The following RBM27 variants were observed in gnomAD, a reference collection of about 807,000 sequenced individuals.
The protein encoded by RBM27 is RNA-binding protein 27.
RBM27 carries 22 observed loss-of-function variants against 135.3 expected under a neutral mutation model. The observed-to-expected ratio is 0.16, with a 90% CI of 0.12 to 0.23. The LOEUF (loss-of-function observed/expected upper bound fraction) is 0.23. Ranked by LOEUF, RBM27 falls within the 10% of genes least tolerant of loss-of-function variation. The pLI, the probability that RBM27 is intolerant of heterozygous loss-of-function variation, is 1.00. For synonymous variants in RBM27, 481 were observed against 442.4 expected (o/e 1.09, Z -1.10); for missense variants, 1,009 against 1,281.0 (o/e 0.79, Z 3.24).
At position 146,237,156 on chromosome 5, in the gene RBM27, C is replaced by T. The variant is rs1581175960; in HGVS notation, c.1145-142C>T. 6.9e-6 allele frequency: 6 copies of T among 870,728 alleles called. No individual in the cohort carries two copies. In the East Asian group the frequency reaches 1.6e-4, roughly 23 times the overall value. The allele number at this position is 870,728 out of a possible 1,614,324, so 53.9% of individuals were successfully genotyped here. A position where few individuals can be genotyped will look rare whatever the true frequency, so the allele number is the denominator to read the frequency against. On this transcript the variant is annotated intron_variant, in intron 7 of 20. Coordinates refer to ENST00000265271, the MANE Select transcript of RBM27 (RefSeq NM_018989.2). ...GTTTCTCCATGTTGGTCAGGCTGGT[C>T]TCGAACTCCTGACCTCAGGTGATCC...
intron 19 of RBM27, among the ~76,000 whole-genome samples, chr5:146,283,035 T>A (rs768593306): frequency 1.3e-5 from 2 of 152,188 alleles, no homozygotes; most frequent in Non-Finnish European, 2.9e-5. Flanking sequence ...AGACCTCTTA[T>A]CCTCTTTGGA....
chr5:146,209,466 G>A (rs1755846803), intron 1 of RBM27, among the ~76,000 whole-genome samples: 1 of 152,116 alleles, frequency 6.6e-6, no homozygotes, highest in Admixed American at 6.5e-5. Flanking sequence ...GATAGAAAAG[G>A]CAGCAATAAG....
Position 146,271,617 on chromosome 5 carries a change from A to G in RBM27, c.2931A>G (p.Ala977=), listed in dbSNP as rs1232926231. The G allele has an allele frequency of 6.2e-7, 1 of 1,614,090 alleles. No individual in the cohort carries two copies. The highest frequency in any genetic ancestry group is 2.2e-5 in the East Asian group (1 of 44,880). The stretch of plus-strand genomic sequence containing the variant: ...TGGTGGTGGACCATCGTCCCAAAGC[A>G]CTAACAGTTGGAGGATTCATTGAGG... ...NHMVVDHRPK[A]LTVGGFIEEE... is the part of the protein sequence containing the mutation. The change falls in exon 19 of 21, where the codon GCA becomes GCG. Residue 977 remains alanine (A), a synonymous_variant. Coordinates refer to ENST00000265271, the MANE Select transcript of RBM27 (RefSeq NM_018989.2).
In RBM27 at chr5:146,230,658, G is replaced by A; in HGVS notation, c.591G>A (p.Glu197=). 1.2e-6 allele frequency: 2 copies of A among 1,613,832 alleles called. No individual in the cohort carries two copies. The highest frequency in any genetic ancestry group is 1.7e-6 in the Non-Finnish European group (2 of 1,179,782). Residue 197 remains glutamate, a splice_region_variant and synonymous_variant, in exon 6 of 21, where the codon GAG becomes GAA. Coordinates refer to ENST00000265271, the MANE Select transcript of RBM27 (RefSeq NM_018989.2). ...SKDRDPNRNV[E]HRERSKFKSE... Reference sequence around the variant, plus strand: ...GTTTTTAATTTTGTCTCCAAGTAGAGCACAGGGAAAGATCGAAGTTTAAGA... The same window carrying A: ...GTTTTTAATTTTGTCTCCAAGTAGAACACAGGGAAAGATCGAAGTTTAAGA...
chr5:146,203,655 C>A lies in RBM27; in HGVS notation c.-111C>A. 1.0e-6 allele frequency: 1 copy of A among 1,001,424 alleles called. No homozygotes were observed. Among genetic ancestry groups the A allele is most frequent in the Non-Finnish European group, 1.5e-6 (1 of 656,566 alleles). 62.0% of individuals were successfully genotyped at this position (1,001,424 alleles called of 1,614,324 possible). A position where few individuals can be genotyped will look rare whatever the true frequency, so the allele number is the denominator to read the frequency against. ...GAGTAGGTTGAAGTCTCCTAAGATGCCCGGTGGGCTGGGGCACCGGGAGCT... is the reference window on the plus strand; with the variant it reads ...GAGTAGGTTGAAGTCTCCTAAGATGACCGGTGGGCTGGGGCACCGGGAGCT... On this transcript the variant is annotated 5_prime_UTR_variant, in exon 1 of 21. Coordinates refer to ENST00000265271, the MANE Select transcript of RBM27 (RefSeq NM_018989.2).
Position 146,286,147 on chromosome 5 carries a change from G to A in RBM27, c.*117G>A, listed in dbSNP as rs186486879. The stretch of plus-strand genomic sequence containing the variant: ...TTTTTTTATTTTTCTTTTCAACACA[G>A]TAGGTTCAAGAACAGCAAGTTTGCT... On this transcript the variant is annotated 3_prime_UTR_variant, in exon 21 of 21. Transcript: ENST00000265271. The A allele has an allele frequency of 9.4e-4, 698 of 744,480 alleles. No homozygotes were observed. The highest frequency in any genetic ancestry group is 1.4e-3 in the Non-Finnish European group (635 of 469,086). 46.1% of individuals were successfully genotyped at this position (744,480 alleles called of 1,614,324 possible). A position where few individuals can be genotyped will look rare whatever the true frequency, so the allele number is the denominator to read the frequency against.
chr5:146,215,966 G>C (rs1178193380), intron 1 of RBM27, among the ~76,000 whole-genome samples: 2 of 151,984 alleles, frequency 1.3e-5, no homozygotes, highest in East Asian at 3.9e-4. Context: ...GGTCAGGCTG[G>C]TCTTGAACTC....
chr5:146,252,299 G>A (rs911632213), intron 9 of RBM27, among the ~76,000 whole-genome samples: 5 of 152,138 alleles, frequency 3.3e-5, no homozygotes, highest in African/African-American at 1.2e-4. Context: ...CCCCTTGTAT[G>A]TGTGCATAAT....
At chr5:146,235,422 G>A (rs993336516) in intron 7 of RBM27, among the ~76,000 whole-genome samples, 7 of 151,564 alleles carry the variant, frequency 4.6e-5, no homozygotes, top group African/African-American at 7.3e-5. Flanking sequence ...CAGGCATGTC[G>A]GGGGGTGCAT....
intron 8 of RBM27, among the ~76,000 whole-genome samples, chr5:146,247,479 A>G (rs1441989293): frequency 6.6e-6 from 1 of 152,168 alleles, no homozygotes; most frequent in African/African-American, 2.4e-5. Flanking sequence ...GTTATACATT[A>G]CGTTTAGTTG....
intron 8 of RBM27, among the ~76,000 whole-genome samples, chr5:146,241,433 GTAAGAC>G (rs1283552649): frequency 6.6e-6 from 1 of 152,196 alleles, no homozygotes; most frequent in Non-Finnish European, 1.5e-5. Flanking sequence ...TTATTTAAAA[GTAAGAC>G]TATTTTGTAG....
At chr5:146,255,353 CT>C (rs1233817555) in intron 10 of RBM27, among the ~76,000 whole-genome samples, 1 of 152,078 alleles carries the variant, frequency 6.6e-6, no homozygotes, top group Non-Finnish European at 1.5e-5. Context: ...TTTGGTAGGA[CT>C]TTAGGCTGTT....
intron 1 of RBM27, among the ~76,000 whole-genome samples, chr5:146,208,337 T>TC (rs1755791501): frequency 6.6e-6 from 1 of 152,204 alleles, no homozygotes; most frequent in South Asian, 2.1e-4. Flanking sequence ...CTATTAGAGC[T>TC]TATCTGTTAC....
Position 146,230,789 on chromosome 5 carries a change from C to G in RBM27, c.722C>G (p.Thr241Ser). ...SGAQSIPSTV[T>S]VIAPAHHSEN... ...GCACAGTCTATTCCCAGCACTGTTA[C>G]TGTGATCGCACCTGCTCACCACTCT... Residue 241 changes from threonine (T) to serine (S), a missense_variant, in exon 6 of 21, where the codon ACT becomes AGT. Around this residue, in one of 6 missense-constraint regions of RBM27, gnomAD observed 268 missense variants for 326.6 expected, o/e 0.82. Coordinates refer to ENST00000265271, the MANE Select transcript of RBM27 (RefSeq NM_018989.2). 6.2e-7 allele frequency: 1 copy of G among 1,614,146 alleles called. No individual in the cohort carries two copies. Among genetic ancestry groups the G allele is most frequent in the Non-Finnish European group, 8.5e-7 (1 of 1,180,006 alleles).
At chr5:146,273,609 A>T (rs1031448874) in intron 19 of RBM27, among the ~76,000 whole-genome samples, 2 of 152,224 alleles carry the variant, frequency 1.3e-5, no homozygotes, top group Non-Finnish European at 2.9e-5. Context: ...TCTTTGAAAG[A>T]AATACAGAAA....
At chr5:146,222,697 C>CA (rs1177858820) in intron 2 of RBM27, among the ~76,000 whole-genome samples, 4 of 151,554 alleles carry the variant, frequency 2.6e-5, no homozygotes, top group Admixed American at 6.6e-5. Context: ...AACAAACAAA[C>CA]AAAAAAAAGC....
chr5:146,229,123 A>G, intron 4 of RBM27, 86 bp downstream of exon 4: 3 of 910,224 alleles, frequency 3.3e-6, no homozygotes, highest in East Asian at 2.5e-5. Context: ...TTTAATATAT[A>G]TACTTACTCC....
intron 1 of RBM27, 145 bp from the exon 2 acceptor site, chr5:146,218,840 T>C: frequency 1.9e-6 from 1 of 525,428 alleles, no homozygotes; most frequent in Admixed American, 3.6e-5. Context: ...TATATGTTTA[T>C]TATAAAAGTT....
rs1759630556 is a variant in RBM27, at chr5:146,287,468, C to T, written c.*1438C>T. The T allele has an allele frequency of 6.6e-6, 1 of 152,118 alleles. No homozygotes were observed. 9.4% of individuals were successfully genotyped at this position (152,118 alleles called of 1,614,324 possible). A position where few individuals can be genotyped will look rare whatever the true frequency, so the allele number is the denominator to read the frequency against. ...GCTGTCACTTTTTCAAGGATATACACATCTGTGTTTTTATATATGTGTGGT... is the reference window on the plus strand; with the variant it reads ...GCTGTCACTTTTTCAAGGATATACATATCTGTGTTTTTATATATGTGTGGT... On this transcript the variant is annotated 3_prime_UTR_variant, in exon 21 of 21. Coordinates refer to ENST00000265271, the MANE Select transcript of RBM27 (RefSeq NM_018989.2).
Sources: allele counts gnomAD v4.1 joint callset (sites outside exome capture counted in the v4.1 genomes callset), GRCh38; gene constraint gnomAD v4.1.1; regional missense constraint gnomAD v4.1.1; transcripts MANE v1.5; gene names NCBI Gene and HGNC (gene_info 2026-07-23, HGNC 2026-07-21).